The following RNF111 variants were observed in gnomAD, a reference collection of about 807,000 sequenced individuals.
RNF111 encodes ring finger protein 111, also known as E3 ubiquitin-protein ligase Arkadia.
A neutral mutation model predicts 95.1 loss-of-function variants in RNF111; 17 were observed. The ratio of observed to expected loss-of-function variants is 0.18; its 90% CI spans 0.12 to 0.27. RNF111 has a LOEUF of 0.27. Among genes scored for constraint, RNF111 ranks in the 10% least tolerant of loss-of-function variants. RNF111 has a pLI of 1.00. For synonymous variants in RNF111, 440 were observed against 414.8 expected (o/e 1.06, Z -0.74); for missense variants, 1,189 against 1,210.4 (o/e 0.98, Z 0.26).
intron 1 of RNF111, among the ~76,000 whole-genome samples, chr15:59,003,519 C>G (rs2039415115): frequency 6.6e-6 from 1 of 152,182 alleles, no homozygotes; most frequent in Non-Finnish European, 1.5e-5. Context: ...CCACCTCAGC[C>G]TCTCCAGTAG....
At chr15:59,018,732 G>A (rs546569457) in intron 1 of RNF111, among the ~76,000 whole-genome samples, 6 of 151,984 alleles carry the variant, frequency 3.9e-5, no homozygotes, top group Non-Finnish European at 5.9e-5. Context: ...CTTGTAGTCC[G>A]TTTAAAGAAA....
At chr15:58,989,552 G>T (rs2038719673) in intron 1 of RNF111, among the ~76,000 whole-genome samples, 2 of 152,158 alleles carry the variant, frequency 1.3e-5, no homozygotes, top group Admixed American at 1.3e-4. Context: ...CTTAACTTTT[G>T]TTTGGTGTCT....
At chr15:59,027,196 T>G (rs2040657649) in intron 1 of RNF111, among the ~76,000 whole-genome samples, 2 of 152,202 alleles carry the variant, frequency 1.3e-5, no homozygotes, top group South Asian at 4.1e-4. Context: ...AGGAGTCTAA[T>G]TTTTAAATCT....
chr15:59,058,364 G>C lies in RNF111; in HGVS notation c.1180G>C (p.Val394Leu), dbSNP rs1294483210. 1 of 1,613,770 alleles carries C rather than the reference G, an allele frequency of 6.2e-7. No homozygotes were observed. The highest frequency in any genetic ancestry group is 1.3e-5 in the African/African-American group (1 of 74,992). Residue 394 changes from valine (V) to leucine (L), a missense_variant, in exon 5 of 14, where the codon GTA becomes CTA. Val to Leu is a conservative substitution (Grantham distance 32). Coordinates refer to ENST00000348370, the MANE Select transcript of RNF111 (RefSeq NM_017610.8). ...DLTVDEDEPT[V>L]VPTTSARMES... ...CATTTTGTATTTTGTAGAACCTACTGTAGTACCAACCACTTCTGCAAGAAT... is the reference window on the plus strand; with the variant it reads ...CATTTTGTATTTTGTAGAACCTACTCTAGTACCAACCACTTCTGCAAGAAT...
rs2042688750 is a variant in RNF111 at position 59,067,062 on chromosome 15, T to C, written c.1665T>C (p.Ser555=). The C allele has an allele frequency of 6.2e-7, 1 of 1,613,902 alleles. No individual in the cohort carries two copies. Among genetic ancestry groups the C allele is most frequent in the Admixed American group, 1.7e-5 (1 of 59,996 alleles). ...VQAPCGANSS[S]GTSYHEQQAL... Reference sequence around the variant, plus strand: ...CACCTTGTGGAGCAAATAGTAGTTCTGGTACCAGCTATCATGAACAGGTAT... The same window carrying C: ...CACCTTGTGGAGCAAATAGTAGTTCCGGTACCAGCTATCATGAACAGGTAT... The change falls in exon 6 of 14, where the codon TCT becomes TCC. Residue 555 remains serine, a synonymous_variant. Coordinates refer to ENST00000348370, the MANE Select transcript of RNF111 (RefSeq NM_017610.8).
At chr15:58,991,591 A>G (rs1417469780) in intron 1 of RNF111, among the ~76,000 whole-genome samples, 3 of 152,160 alleles carry the variant, frequency 2.0e-5, no homozygotes, top group African/African-American at 7.2e-5. Context: ...GCCTTTTTAG[A>G]GGTGGTAATT....
intron 2 of RNF111, among the ~76,000 whole-genome samples, chr15:59,039,221 C>T (rs1251590491): frequency 1.3e-5 from 2 of 152,180 alleles, no homozygotes. Context: ...GCCTTGGCCT[C>T]CCAAAGTGCT....
At chr15:59,064,547 A>G (rs1239079267) in intron 5 of RNF111, among the ~76,000 whole-genome samples, 6 of 151,694 alleles carry the variant, frequency 4.0e-5, no homozygotes, top group African/African-American at 7.3e-5. Flanking sequence ...AAAAAAAAAA[A>G]AAAAAAGGAA....
At chr15:59,030,576 C>G (rs1288490121) in intron 1 of RNF111, among the ~76,000 whole-genome samples, 2 of 152,106 alleles carry the variant, frequency 1.3e-5, no homozygotes, top group Non-Finnish European at 2.9e-5. Context: ...TAGGCTTATG[C>G]TCTATATCTA....
intron 1 of RNF111, among the ~76,000 whole-genome samples, chr15:59,014,472 A>G (rs1014144973): frequency 6.6e-6 from 1 of 152,230 alleles, no homozygotes; most frequent in African/African-American, 2.4e-5. Context: ...TCACATTTGT[A>G]TCATAATACT....
chr15:59,017,322 A>G (rs914981594), intron 1 of RNF111, among the ~76,000 whole-genome samples: 10 of 152,344 alleles, frequency 6.6e-5, no homozygotes, highest in African/African-American at 2.4e-4. Context: ...GCTTATTCAT[A>G]AGAGAAACAC....
chr15:58,995,120 A>T (rs1366148788), intron 1 of RNF111, among the ~76,000 whole-genome samples: 3 of 152,032 alleles, frequency 2.0e-5, no homozygotes, highest in Non-Finnish European at 4.4e-5. Flanking sequence ...TAGTGCAGCT[A>T]CTCTGCTCCT....
intron 1 of RNF111, among the ~76,000 whole-genome samples, chr15:59,003,238 C>T (rs1338295801): frequency 6.6e-6 from 1 of 152,160 alleles, no homozygotes; most frequent in Admixed American, 6.5e-5. Context: ...ACCTCAGCCT[C>T]CTGAGTAGCT....
chr15:59,094,532 G>A (rs1236372793), intron 13 of RNF111, among the ~76,000 whole-genome samples: 1 of 152,076 alleles, frequency 6.6e-6, no homozygotes, highest in Non-Finnish European at 1.5e-5. Flanking sequence ...TGGAATAATT[G>A]GCAGTGTAAT....
chr15:59,038,564 C>T (rs1160123681), intron 2 of RNF111, among the ~76,000 whole-genome samples: 1 of 152,132 alleles, frequency 6.6e-6, no homozygotes, highest in Non-Finnish European at 1.5e-5. Flanking sequence ...AATGAACTCC[C>T]ATATAATCAT....
intron 1 of RNF111, among the ~76,000 whole-genome samples, chr15:59,005,816 A>G (rs2039515744): frequency 6.6e-6 from 1 of 152,218 alleles, no homozygotes; most frequent in South Asian, 2.1e-4. Flanking sequence ...AATAAAAGCT[A>G]TCATATGCAT....
In RNF111 at chr15:59,085,775, T is replaced by C; in HGVS notation, c.2540T>C (p.Leu847Pro). The change falls in exon 10 of 14, where the codon CTT (leucine) becomes CCT (proline). Residue 847 changes from leucine to proline, a missense_variant. Coordinates refer to ENST00000348370, the MANE Select transcript of RNF111 (RefSeq NM_017610.8). ...PRLHHLQLGA[L>P]PLMVPDMAGY... The stretch of plus-strand genomic sequence containing the variant: ...CTTCATCACTTACAATTAGGAGCTC[T>C]TCCTTTAATGGTAAAATGGAAAATT... The C allele has an allele frequency of 6.2e-7, 1 of 1,607,766 alleles. No individual in the cohort carries two copies. Among genetic ancestry groups the C allele is most frequent in the Non-Finnish European group, 8.5e-7 (1 of 1,175,096 alleles).
Position 59,096,106 on chromosome 15 carries a change from T to G in RNF111, c.*1206T>G. 1 of 398,580 alleles carries G rather than the reference T, an allele frequency of 2.5e-6. No homozygotes were observed. Among genetic ancestry groups the G allele is most frequent in the Non-Finnish European group, 4.4e-6 (1 of 225,810 alleles). The allele number at this position is 398,580 out of a possible 1,614,324, so 24.7% of individuals were successfully genotyped here. ...CAAGAGTCGATCACTGATTTAAAAT[T>G]TTTAATTTCTATAGTTAAGATTTAC... is the stretch of plus-strand genomic sequence containing the variant. On this transcript the variant is annotated 3_prime_UTR_variant, in exon 14 of 14. Coordinates refer to ENST00000348370, the MANE Select transcript of RNF111 (RefSeq NM_017610.8).
intron 6 of RNF111, among the ~76,000 whole-genome samples, chr15:59,075,405 T>C (rs2043122775): frequency 6.6e-6 from 1 of 152,244 alleles, no homozygotes; most frequent in African/African-American, 2.4e-5. Flanking sequence ...ATTCATGATT[T>C]AGTCTGAAAA....
Sources: gnomAD v4.1 joint callset for allele counts (sites outside exome capture counted in the v4.1 genomes callset) on GRCh38, gnomAD v4.1.1 for gene constraint, MANE v1.5 for transcripts, NCBI Gene and HGNC (gene_info 2026-07-23, HGNC 2026-07-21) for gene names.